The following HPSE2 variants were observed in gnomAD, a reference collection of about 807,000 sequenced individuals.
HPSE2 encodes the protein heparanase 2 (inactive).
HPSE2 carries 38 observed loss-of-function variants against 60.5 expected under a neutral mutation model. That is an observed-to-expected ratio of 0.63 (90% CI 0.48 to 0.82). The LOEUF (loss-of-function observed/expected upper bound fraction) is 0.82, where lower values mean the gene tolerates loss of function less well. HPSE2 is among the 40% of genes least tolerant of loss of function. The probability of loss-of-function intolerance (pLI) is 0.00; values close to 1 mark genes in which losing one functional copy is unlikely to be tolerated. For synonymous variants in HPSE2, 295 were observed against 293.2 expected, an observed-to-expected ratio of 1.01 and a Z score of -0.06; for missense variants, 713 against 740.4, an observed-to-expected ratio of 0.96 and a Z score of 0.43.
intron 9 of HPSE2, among the ~76,000 whole-genome samples, chr10:98,539,901 C>T (rs1943406684): frequency 1.3e-5 from 2 of 152,330 alleles, no homozygotes; most frequent in African/African-American, 4.8e-5. Context: ...TCGCCCTGCA[C>T]CCTTCAACAG....
intron 3 of HPSE2, among the ~76,000 whole-genome samples, chr10:99,104,806 G>C (rs1231370583): frequency 6.6e-6 from 1 of 151,926 alleles, no homozygotes; most frequent in African/African-American, 2.4e-5. Flanking sequence ...GCAAACTATT[G>C]CAAGGACAAA....
rs1211126121 is a variant in HPSE2 at position 98,746,790 on chromosome 10, T to C, written c.611-2734A>G. Among the ~76,000 whole-genome samples, 4 of 151,902 alleles carry C rather than the reference T, an allele frequency of 2.6e-5. No individual in the cohort carries two copies. In the East Asian group the frequency reaches 5.8e-4, roughly 22 times the overall value. On this transcript the variant is annotated intron_variant, in intron 3 of 11. Coordinates refer to ENST00000370552, the MANE Select transcript of HPSE2 (RefSeq NM_021828.5). The stretch of plus-strand genomic sequence containing the variant: ...TGTATAAGATACAAAAAAAATCTAG[T>C]AGGATTTTTTTTTAAAAAGAAAAAC...
At chr10:98,547,505 G>A (rs532685910) in intron 9 of HPSE2, among the ~76,000 whole-genome samples, 7 of 148,764 alleles carry the variant, frequency 4.7e-5, no homozygotes, top group African/African-American at 1.7e-4. Context: ...GTCCTTTGTA[G>A]GGACATGGAT....
intron 10 of HPSE2, among the ~76,000 whole-genome samples, chr10:98,485,468 T>C (rs1190843236): frequency 6.6e-6 from 1 of 152,230 alleles, no homozygotes; most frequent in Non-Finnish European, 1.5e-5. Flanking sequence ...TCCTTCTTAA[T>C]CTCCTGCAAC....
intron 3 of HPSE2, among the ~76,000 whole-genome samples, chr10:99,080,149 T>C (rs553323195): frequency 6.6e-6 from 1 of 152,198 alleles, no homozygotes; most frequent in Non-Finnish European, 1.5e-5. Flanking sequence ...CAGATGTGTT[T>C]GTGCAGGAAA....
chr10:98,602,329 A>C (rs1383028599), intron 9 of HPSE2, among the ~76,000 whole-genome samples: 1 of 152,162 alleles, frequency 6.6e-6, no homozygotes, highest in African/African-American at 2.4e-5. Context: ...CTGAAAGCTG[A>C]AATAGATGAT....
intron 3 of HPSE2, among the ~76,000 whole-genome samples, chr10:98,904,199 A>T (rs1162175748): frequency 6.6e-6 from 1 of 152,184 alleles, no homozygotes; most frequent in Non-Finnish European, 1.5e-5. Context: ...TGTGCTTTAA[A>T]ATCTGAGAAA....
intron 11 of HPSE2, among the ~76,000 whole-genome samples, chr10:98,465,809 T>C (rs1940503944): frequency 6.6e-6 from 1 of 152,256 alleles, no homozygotes; most frequent in African/African-American, 2.4e-5. Flanking sequence ...CTTAATTCCC[T>C]AGCTTGCCTG....
intron 3 of HPSE2, among the ~76,000 whole-genome samples, chr10:98,942,329 C>T (rs1173020870): frequency 7.0e-6 from 1 of 143,690 alleles, no homozygotes. Context: ...GCAACCTACT[C>T]ATCTGACAAA....
chr10:99,298,536 A>C, the HPSE2 span, among the ~76,000 whole-genome samples: 1 of 152,208 alleles, frequency 6.6e-6, no homozygotes, highest in Non-Finnish European at 1.5e-5. Flanking sequence ...TATGGCAATA[A>C]AGTTTGGGTT....
At chr10:98,629,007 T>C (rs529257253) in intron 7 of HPSE2, among the ~76,000 whole-genome samples, 2 of 152,372 alleles carry the variant, frequency 1.3e-5, no homozygotes, top group Admixed American at 1.3e-4. Context: ...CTTGATATCC[T>C]GCCTCTAAAA....
intron 3 of HPSE2, among the ~76,000 whole-genome samples, chr10:99,119,929 A>G (rs1844879819): frequency 6.6e-6 from 1 of 152,202 alleles, no homozygotes; most frequent in Non-Finnish European, 1.5e-5. Flanking sequence ...TCCTTACACC[A>G]TATACAAAAA....
intron 9 of HPSE2, among the ~76,000 whole-genome samples, chr10:98,545,865 C>T (rs545063992): frequency 6.6e-6 from 1 of 150,700 alleles, no homozygotes; most frequent in East Asian, 2.0e-4. Context: ...GTCAAACTGT[C>T]CCTGTTTACA....
chr10:99,169,504 C>CAAAAAAAAAAAAAAAAAAAAA (rs562946052), intron 2 of HPSE2, among the ~76,000 whole-genome samples: 1 of 54,734 alleles, frequency 1.8e-5, no homozygotes, highest in Non-Finnish European at 3.3e-5. Flanking sequence ...GACTCCGTCT[C>CAAAAAAAAAAAAAAAAAAAAA]AAAAAAAAAA....
At chr10:98,899,923 A>G (rs1953617236) in intron 3 of HPSE2, among the ~76,000 whole-genome samples, 1 of 152,104 alleles carries the variant, frequency 6.6e-6, no homozygotes, top group Admixed American at 6.5e-5. Flanking sequence ...AGCTGGGATT[A>G]CAGGTGTGCA....
chr10:99,151,034 C>CT (rs1846241666), intron 2 of HPSE2, among the ~76,000 whole-genome samples: 1 of 151,860 alleles, frequency 6.6e-6, no homozygotes, highest in African/African-American at 2.4e-5. Context: ...ATTTTTAAAA[C>CT]TATAAAGAAA....
At chr10:98,812,279 T>G (rs925614473) in intron 3 of HPSE2, among the ~76,000 whole-genome samples, 1 of 152,162 alleles carries the variant, frequency 6.6e-6, no homozygotes, top group African/African-American at 2.4e-5. Flanking sequence ...CATAAGAGAT[T>G]ATCTGGTGGT....
intron 9 of HPSE2, among the ~76,000 whole-genome samples, chr10:98,551,407 A>T (rs1943861868): frequency 6.6e-6 from 1 of 152,136 alleles, no homozygotes; most frequent in Admixed American, 6.6e-5. Flanking sequence ...ATTTCTTCTG[A>T]CAACAGTGCT....
intron 3 of HPSE2, among the ~76,000 whole-genome samples, chr10:98,985,467 G>A (rs1217828763): frequency 6.6e-6 from 1 of 152,180 alleles, no homozygotes; most frequent in Admixed American, 6.5e-5. Flanking sequence ...CACCAGGCCT[G>A]CCCTAAAACA....
Sources: allele counts gnomAD v4.1 joint callset (sites outside exome capture counted in the v4.1 genomes callset), GRCh38; gene constraint gnomAD v4.1.1; transcripts MANE v1.5; gene names NCBI Gene and HGNC (gene_info 2026-07-23, HGNC 2026-07-21).